The following PRORP variants were observed in gnomAD, a reference collection of about 807,000 sequenced individuals.
PRORP encodes the protein mitochondrial ribonuclease P catalytic subunit.
PRORP carries 51 observed loss-of-function variants against 59.4 expected under a neutral mutation model. That is an observed-to-expected ratio of 0.86 (90% confidence interval 0.69 to 1.08). The LOEUF (loss-of-function observed/expected upper bound fraction) is 1.08. Ranked by LOEUF, PRORP falls within the 50% of genes least tolerant of loss-of-function variation. The pLI, the probability that PRORP is intolerant of heterozygous loss-of-function variation, is 0.00. For missense variants in PRORP, 646 were observed against 690.3 expected (o/e 0.94, Z 0.72); for synonymous variants, 231 against 245.6 (o/e 0.94, Z 0.55).
intron 5 of PRORP, among the ~76,000 whole-genome samples, chr14:35,188,119 A>G (rs548158959): frequency 2.1e-4 from 32 of 150,432 alleles, no homozygotes; most frequent in African/African-American, 7.8e-4. Context: ...GGCATGAGCT[A>G]CCGTGCCTGG....
intron 4 of PRORP, chr14:35,158,204 G>C (rs1433059593): frequency 3.7e-6 from 1 of 267,146 alleles, no homozygotes; most frequent in Non-Finnish European, 7.5e-6. Context: ...GTGCCAGAAG[G>C]CTCTTAGTAA....
At chr14:35,134,359 G>A (rs2047322936) in intron 4 of PRORP, among the ~76,000 whole-genome samples, 1 of 152,104 alleles carries the variant, frequency 6.6e-6, no homozygotes, top group Non-Finnish European at 1.5e-5. Flanking sequence ...GCCTGGCCTG[G>A]GACTCACCCT....
chr14:35,262,032 A>G (rs1353372488), intron 5 of PRORP, among the ~76,000 whole-genome samples: 1 of 152,214 alleles, frequency 6.6e-6, no homozygotes, highest in Non-Finnish European at 1.5e-5. Context: ...ATGTACTATT[A>G]GTAAACTCAA....
At chr14:35,134,584 G>C (rs886269917) in intron 4 of PRORP, among the ~76,000 whole-genome samples, 1 of 152,094 alleles carries the variant, frequency 6.6e-6, no homozygotes, top group Non-Finnish European at 1.5e-5. Flanking sequence ...AAATGTCCAG[G>C]AGCTAGGGCC....
chr14:35,149,709 A>G (rs1294894714), intron 4 of PRORP, among the ~76,000 whole-genome samples: 1 of 152,184 alleles, frequency 6.6e-6, no homozygotes, highest in Non-Finnish European at 1.5e-5. Flanking sequence ...AACTTTCTTC[A>G]TATCAGCAAT....
intron 5 of PRORP, among the ~76,000 whole-genome samples, chr14:35,231,499 G>A (rs1055839054): frequency 7.2e-5 from 11 of 152,068 alleles, no homozygotes; most frequent in Admixed American, 3.9e-4. Flanking sequence ...TTGTTTTAAT[G>A]GAAATTATAC....
At chr14:35,258,849 A>G (rs2050825245) in intron 5 of PRORP, among the ~76,000 whole-genome samples, 1 of 152,230 alleles carries the variant, frequency 6.6e-6, no homozygotes, top group South Asian at 2.1e-4. Flanking sequence ...TTTGATTACC[A>G]TAGCTGTATA....
At chr14:35,193,634 ATTTT>A (rs34186766) in intron 5 of PRORP, among the ~76,000 whole-genome samples, 5 of 129,858 alleles carry the variant, frequency 3.9e-5, no homozygotes, top group Non-Finnish European at 3.3e-5. Context: ...TCCCGGGTGT[ATTTT>A]TTTTTTTTTT....
chr14:35,177,318 G>T (rs1391127641), intron 4 of PRORP, among the ~76,000 whole-genome samples: 1 of 152,164 alleles, frequency 6.6e-6, no homozygotes, highest in Non-Finnish European at 1.5e-5. Context: ...AGAAGGAATG[G>T]TACCAGCTCC....
intron 5 of PRORP, among the ~76,000 whole-genome samples, chr14:35,223,659 C>T (rs1341756787): frequency 6.6e-6 from 1 of 152,014 alleles, no homozygotes; most frequent in African/African-American, 2.4e-5. Flanking sequence ...CGGGGTTTCA[C>T]TGTGTTAGCC....
intron 4 of PRORP, among the ~76,000 whole-genome samples, chr14:35,171,850 A>G (rs2048318713): frequency 6.6e-6 from 1 of 152,054 alleles, no homozygotes; most frequent in Admixed American, 6.6e-5. Flanking sequence ...ATTAAATTGT[A>G]TAATTTTTTG....
chr14:35,241,852 G>C (rs72664885), intron 5 of PRORP, among the ~76,000 whole-genome samples: 2,360 of 152,156 alleles, frequency 0.016, 38 homozygotes, highest in South Asian at 0.055. Context: ...CTTTAATCTA[G>C]AAGATTAAAG....
intron 4 of PRORP, chr14:35,158,232 A>C (rs1204316665): frequency 4.0e-6 from 1 of 250,836 alleles, no homozygotes; most frequent in Non-Finnish European, 8.1e-6. Flanking sequence ...TTTGTTATCA[A>C]CTCCATTATA....
intron 5 of PRORP, among the ~76,000 whole-genome samples, chr14:35,261,113 T>G (rs1182857993): frequency 6.6e-6 from 1 of 152,146 alleles, no homozygotes; most frequent in Non-Finnish European, 1.5e-5. Context: ...GAACAAGCCT[T>G]TGTTGGGTTT....
At chr14:35,153,027 G>C (rs1003799557) in intron 4 of PRORP, among the ~76,000 whole-genome samples, 2 of 152,238 alleles carry the variant, frequency 1.3e-5, no homozygotes, top group Non-Finnish European at 2.9e-5. Context: ...CACTTTGGGA[G>C]GCCAAGGCAG....
At chr14:35,172,141 C>T (rs546690714) in intron 4 of PRORP, among the ~76,000 whole-genome samples, 1 of 151,322 alleles carries the variant, frequency 6.6e-6, no homozygotes, top group African/African-American at 2.4e-5. Context: ...CTTCGCCTCC[C>T]AGGTTCAAGT....
chr14:35,259,993 G>GTTTTTTTTTT (rs557378360), intron 5 of PRORP, among the ~76,000 whole-genome samples: 4 of 81,308 alleles, frequency 4.9e-5, no homozygotes, highest in East Asian at 4.2e-4. Context: ...GGTTTTTCGG[G>GTTTTTTTTTT]TTTTTTTTTT....
chr14:35,259,404 C>T (rs2050842016), intron 5 of PRORP, among the ~76,000 whole-genome samples: 1 of 152,020 alleles, frequency 6.6e-6, no homozygotes, highest in African/African-American at 2.4e-5. Flanking sequence ...TCCATTCTGC[C>T]AGCCTCTGTC....
At chr14:35,241,991 G>A (rs540579590) in intron 5 of PRORP, among the ~76,000 whole-genome samples, 1 of 152,128 alleles carries the variant, frequency 6.6e-6, no homozygotes, top group East Asian at 1.9e-4. Flanking sequence ...CTGAGGGCAG[G>A]GACCATGTCT....
Sources: gnomAD v4.1 joint callset for allele counts (sites outside exome capture counted in the v4.1 genomes callset) on GRCh38, gnomAD v4.1.1 for gene constraint, MANE v1.5 for transcripts, NCBI Gene and HGNC (gene_info 2026-07-23, HGNC 2026-07-21) for gene names.